DNMT3A: variants seen among roughly 807,000 people sequenced by gnomAD.
DNMT3A encodes the protein DNA (cytosine-5)-methyltransferase 3A.
In DNMT3A, 267 loss-of-function variants were observed where a neutral mutation model predicts 117.6. The observed-to-expected ratio is 2.27, with a 90% confidence interval of 2.05 to 2.51. The LOEUF is 2.51. Among genes scored for constraint, DNMT3A ranks in the 30% most tolerant of loss-of-function variants. The pLI is 0.00. For missense variants in DNMT3A, 1,029 were observed against 1,260.2 expected, an observed-to-expected ratio of 0.82 and a Z score of 2.78; for synonymous variants, 432 against 474.8, an observed-to-expected ratio of 0.91 and a Z score of 1.17.
intron 3 of DNMT3A, among the ~76,000 whole-genome samples, chr2:25,283,038 G>A (rs1291355924): frequency 2.6e-5 from 4 of 152,086 alleles, no homozygotes; most frequent in Non-Finnish European, 5.9e-5. Flanking sequence ...TACATAGGAC[G>A]TCCAAGCCTT....
Position 25,329,714 on chromosome 2 carries a change from G to C in DNMT3A, c.-178+12112C>G, listed in dbSNP as rs868670864. Among the ~76,000 whole-genome samples the C allele has an allele frequency of 3.7e-4, 44 of 118,684 alleles. 1 individual carries two copies. The highest frequency in any genetic ancestry group is 1.0e-3 in the African/African-American group (33 of 32,562). 77.9% of individuals were successfully genotyped at this position (118,684 alleles called of 152,430 possible). A position where few individuals can be genotyped will look rare whatever the true frequency, so the allele number is the denominator to read the frequency against. The stretch of plus-strand genomic sequence containing the variant: ...ACACACACACACACACACACACACA[G>C]ACACACAGATACAAACACACATAGA... On this transcript the variant is annotated intron_variant, in intron 1 of 22. Transcript: ENST00000321117.
At chr2:25,245,198 A>G in intron 13 of DNMT3A, 55 bp downstream of exon 13, 4 of 1,553,678 alleles carry the variant, frequency 2.6e-6, no homozygotes, top group South Asian at 2.3e-5. Flanking sequence ...ACAGTCAGCC[A>G]GAAGGCCGAA....
At chr2:25,264,130 TG>T (rs1558689600) in intron 6 of DNMT3A, among the ~76,000 whole-genome samples, 14 of 133,308 alleles carry the variant, frequency 1.1e-4, no homozygotes, top group Admixed American at 3.4e-4. Context: ...GACAACCCTT[TG>T]GTTTTTTTTT....
At chr2:25,246,588 G>A (rs1674799503) in intron 10 of DNMT3A, 32 bp downstream of exon 10, 1 of 1,593,738 alleles carries the variant, frequency 6.3e-7, no homozygotes, top group African/African-American at 1.3e-5. Context: ...CTGGCGGGCA[G>A]GGGTCCCAGA....
Position 25,332,150 on chromosome 2 carries a change from G to A in DNMT3A, c.-178+9676C>T, listed in dbSNP as rs115156106. On this transcript the variant is annotated intron_variant, in intron 1 of 22. Coordinates refer to ENST00000321117, the MANE Select transcript of DNMT3A (RefSeq NM_022552.5). Reference sequence around the variant, plus strand: ...CCGAGCTCTCGTCCTCGATGCCCTAGAATGATCCTTCTCAAATATAAATCC... The same window carrying A: ...CCGAGCTCTCGTCCTCGATGCCCTAAAATGATCCTTCTCAAATATAAATCC... 4.7e-3 allele frequency among the ~76,000 whole-genome samples: 713 copies of A among 152,316 alleles called. 2 individuals are homozygous for A. Among genetic ancestry groups the A allele is most frequent in the Non-Finnish European group, 7.7e-3 (524 of 68,034 alleles).
rs764146514 is a variant in DNMT3A at position 25,239,130 on chromosome 2, C to T, written c.2408G>A (p.Arg803Lys). The T allele has an allele frequency of 5.6e-6, 9 of 1,613,890 alleles. No homozygotes were observed. The highest frequency in any genetic ancestry group is 3.3e-5 in the Admixed American group (2 of 60,010). The change falls in exon 20 of 23, where the codon AGG becomes AAG. Residue 803 changes from arginine to lysine, a missense_variant and splice_region_variant. By Grantham distance (26) the Arg-to-Lys change is conservative. Transcript: ENST00000321117. ...CCCAGGCCCAGGAGCTTTCACCAAC[C>T]TGTTCATACCGGGAAGGTTACCCCA... ...YFWGNLPGMN[R>K]PLASTVNDKL... is the part of the protein sequence containing the mutation.
intron 6 of DNMT3A, among the ~76,000 whole-genome samples, chr2:25,250,878 T>G (rs1191801878): frequency 6.6e-6 from 1 of 152,226 alleles, no homozygotes; most frequent in African/African-American, 2.4e-5. Context: ...GCAGGTGGGC[T>G]GGGCTCCTCC....
intron 1 of DNMT3A, among the ~76,000 whole-genome samples, chr2:25,341,100 C>T (rs1382046743): frequency 6.9e-6 from 1 of 145,492 alleles, no homozygotes; most frequent in African/African-American, 2.5e-5. Context: ...CACAGGTGGC[C>T]GGAGGAGGAT....
intron 6 of DNMT3A, among the ~76,000 whole-genome samples, chr2:25,259,460 T>G (rs1042324593): frequency 1.3e-5 from 2 of 152,226 alleles, no homozygotes; most frequent in Non-Finnish European, 2.9e-5. Flanking sequence ...ACCCCTAGCT[T>G]CTTTGGGCCT....
intron 10 of DNMT3A, 108 bp downstream of exon 10, chr2:25,246,512 G>A (rs1014629747): frequency 6.7e-7 from 1 of 1,494,170 alleles, no homozygotes. Context: ...TTCCCACTGG[G>A]CCCCTCTGTG....
chr2:25,245,103 C>T, intron 13 of DNMT3A, 150 bp downstream of exon 13: 1 of 693,056 alleles, frequency 1.4e-6, no homozygotes, highest in Non-Finnish European at 2.5e-6. Context: ...CCCGTGTCAT[C>T]AGGACTCTGC....
intron 6 of DNMT3A, among the ~76,000 whole-genome samples, chr2:25,250,841 C>G (rs748603627): frequency 9.8e-5 from 15 of 152,310 alleles, no homozygotes; most frequent in Non-Finnish European, 1.6e-4. Flanking sequence ...GGAAAGGACC[C>G]GCTATCAGTT....
In DNMT3A at chr2:25,297,908, G is replaced by A. The variant is rs2033191838; in HGVS notation, c.177+2231C>T. ...GCCATATTTTCCCAATGAGGAAGCAGCCCAGAGAGGTTAGGTGACTTGCTC... is the reference window on the plus strand; with the variant it reads ...GCCATATTTTCCCAATGAGGAAGCAACCCAGAGAGGTTAGGTGACTTGCTC... On this transcript the variant is annotated intron_variant, in intron 3 of 22. Coordinates refer to ENST00000321117, the MANE Select transcript of DNMT3A (RefSeq NM_022552.5). 2.0e-5 allele frequency among the ~76,000 whole-genome samples: 3 copies of A among 152,354 alleles called. No homozygotes were observed. The South Asian group carries it at 6.2e-4, about 32-fold the overall frequency.
Position 25,252,662 on chromosome 2 carries a change from C to T in DNMT3A, c.640-4410G>A, listed in dbSNP as rs1675734690. On this transcript the variant is annotated intron_variant, in intron 6 of 22. Transcript: ENST00000321117. The surrounding 1 kb of genome is among the most constrained non-coding windows in gnomAD (Gnocchi z 5.5). ...GAGGGAAGGGGCTGCTCCCGAGCCGCCTGCCCGGAGGGAGCCGGGGGTCCG... is the reference window on the plus strand; with the variant it reads ...GAGGGAAGGGGCTGCTCCCGAGCCGTCTGCCCGGAGGGAGCCGGGGGTCCG... Among the ~76,000 whole-genome samples, 1 of 152,082 alleles carries T rather than the reference C, an allele frequency of 6.6e-6. No individual in the cohort carries two copies. Among genetic ancestry groups the T allele is most frequent in the South Asian group, 2.1e-4 (1 of 4,822 alleles).
At chr2:25,309,630 C>T (rs2033991746) in intron 2 of DNMT3A, among the ~76,000 whole-genome samples, 2 of 152,336 alleles carry the variant, frequency 1.3e-5, no homozygotes, top group Admixed American at 1.3e-4. Context: ...TCATTCCAGC[C>T]TCAGCACTAG....
intron 1 of DNMT3A, among the ~76,000 whole-genome samples, chr2:25,331,423 C>A (rs1313182291): frequency 6.6e-6 from 1 of 152,208 alleles, no homozygotes; most frequent in Non-Finnish European, 1.5e-5. Context: ...AAAATGCTGT[C>A]CCCAGCTTGT....
chr2:25,299,120 G>A (rs1043869603), intron 3 of DNMT3A, among the ~76,000 whole-genome samples: 1 of 150,632 alleles, frequency 6.6e-6, no homozygotes, highest in Admixed American at 6.6e-5. Context: ...TCAGCTGGAA[G>A]GGGGGTAAAA....
chr2:25,272,154 T>G (rs2030962024), intron 6 of DNMT3A, among the ~76,000 whole-genome samples: 1 of 152,172 alleles, frequency 6.6e-6, no homozygotes, highest in African/African-American at 2.4e-5. Context: ...GCCCAGCTAA[T>G]TTTTGTATTT....
At chr2:25,322,700 T>C (rs183470999) in intron 1 of DNMT3A, among the ~76,000 whole-genome samples, 116 of 142,236 alleles carry the variant, frequency 8.2e-4, no homozygotes, top group Non-Finnish European at 1.1e-3. Flanking sequence ...ACCCCCGAGA[T>C]GACCACCCAA....
Sources: gnomAD v4.1 joint callset for allele counts (sites outside exome capture counted in the v4.1 genomes callset) on GRCh38, gnomAD v4.1.1 for gene constraint, Gnocchi (gnomAD v3.1) non-coding constraint, MANE v1.5 for transcripts, NCBI Gene and HGNC (gene_info 2026-07-23, HGNC 2026-07-21) for gene names.